HSF2: variants seen among roughly 807,000 people sequenced by gnomAD.
HSF2 encodes heat shock transcription factor 2.
In HSF2, 21 loss-of-function variants were observed where a neutral mutation model predicts 65.0. That is an observed-to-expected ratio of 0.32 (90% CI 0.23 to 0.47). HSF2 has a LOEUF of 0.47. Ranked by LOEUF, HSF2 falls within the 20% of genes least tolerant of loss-of-function variation. The pLI, the probability that HSF2 is intolerant of heterozygous loss-of-function variation, is 1.00. For missense variants in HSF2, 499 were observed against 628.1 expected (o/e 0.79, Z 2.20); for synonymous variants, 225 against 219.1 (o/e 1.03, Z -0.24).
intron 4 of HSF2, among the ~76,000 whole-genome samples, chr6:122,414,452 A>G (rs1774075988): frequency 6.6e-6 from 1 of 152,322 alleles, no homozygotes; most frequent in African/African-American, 2.4e-5. Flanking sequence ...TCTTTTTTAA[A>G]TAAGCTTTAG....
intron 9 of HSF2, 146 bp from the exon 10 acceptor site, chr6:122,423,435 T>C (rs1261848113): frequency 2.0e-6 from 1 of 490,054 alleles, no homozygotes; most frequent in Non-Finnish European, 3.6e-6. Context: ...GAATTCCTAC[T>C]CTAGAATAAG....
At position 122,422,888 on chromosome 6, in the gene HSF2, G is replaced by C; in HGVS notation, c.1001G>C (p.Ser334Thr). ...SSAVQLNGSS[S>T]LTSEDPVTMM... ...GCTGTCCAGCTAAATGGCTCATCCA[G>C]TCTGACCTCAGAAGATCCAGTGACC... The change falls in exon 9 of 13, where the codon AGT becomes ACT. Residue 334 changes from serine (S) to threonine (T), a missense_variant. By Grantham distance (58) the Ser-to-Thr change is moderately conservative. This residue lies in a region of HSF2 where 349 missense variants were observed against 393.5 expected (regional missense o/e 0.89). Coordinates refer to ENST00000368455, the MANE Select transcript of HSF2 (RefSeq NM_004506.4). 6.2e-7 allele frequency: 1 copy of C among 1,613,608 alleles called. No individual in the cohort carries two copies. Among genetic ancestry groups the C allele is most frequent in the Non-Finnish European group, 8.5e-7 (1 of 1,179,712 alleles).
chr6:122,425,711 C>T (rs1249302770), intron 10 of HSF2, among the ~76,000 whole-genome samples: 2 of 151,926 alleles, frequency 1.3e-5, no homozygotes, highest in Non-Finnish European at 2.9e-5. Context: ...TAAGGGCATC[C>T]CCTAATGCAC....
In HSF2 at chr6:122,427,968, T is replaced by C. The variant is rs769968339; in HGVS notation, c.1230+12T>C. On this transcript the variant is annotated intron_variant, in intron 11 of 12. Transcript: ENST00000368455. ...TCAATAATACAAAAGTAAGTTTTAATTCATGTTGCTCAGGACCCATAGCTA... is the reference window on the plus strand; with the variant it reads ...TCAATAATACAAAAGTAAGTTTTAACTCATGTTGCTCAGGACCCATAGCTA... 5 of 1,572,692 alleles carry C rather than the reference T, an allele frequency of 3.2e-6. No homozygotes were observed. In the Admixed American group the frequency reaches 8.5e-5, roughly 27 times the overall value.
chr6:122,431,865 C>T (rs1331607168), intron 12 of HSF2, 60 bp from the exon 13 acceptor site: 3 of 1,449,472 alleles, frequency 2.1e-6, no homozygotes, highest in Non-Finnish European at 2.8e-6. Context: ...TCATTTTTTT[C>T]CCCTCAGCTT....
At chr6:122,409,134 G>A (rs1485423453) in intron 1 of HSF2, among the ~76,000 whole-genome samples, 2 of 151,932 alleles carry the variant, frequency 1.3e-5, no homozygotes, top group Admixed American at 6.6e-5. Context: ...ATGGTGCCAC[G>A]ATTAAGGATA....
chr6:122,403,616 A>G (rs570267627), intron 1 of HSF2, among the ~76,000 whole-genome samples: 11 of 152,330 alleles, frequency 7.2e-5, no homozygotes, highest in Non-Finnish European at 1.6e-4. Flanking sequence ...CAAAACAACA[A>G]CAACAAAAAA....
intron 10 of HSF2, among the ~76,000 whole-genome samples, chr6:122,425,570 T>G (rs1489227317): frequency 6.6e-6 from 1 of 151,530 alleles, no homozygotes; most frequent in African/African-American, 2.4e-5. Context: ...ATTATTAACA[T>G]TATTGGGCAT....
chr6:122,422,344 T>C, intron 8 of HSF2, 46 bp downstream of exon 8: 1 of 1,373,314 alleles, frequency 7.3e-7, no homozygotes, highest in Admixed American at 2.0e-5. Context: ...TGATTACTTT[T>C]CTTATTACAG....
intron 1 of HSF2, among the ~76,000 whole-genome samples, chr6:122,410,817 G>C (rs1582609036): frequency 6.6e-6 from 1 of 151,670 alleles, no homozygotes; most frequent in East Asian, 1.9e-4. Flanking sequence ...ACCATGTGTT[G>C]GTGGATACTG....
At chr6:122,401,464 G>A (rs550494714) in intron 1 of HSF2, among the ~76,000 whole-genome samples, 6 of 152,276 alleles carry the variant, frequency 3.9e-5, no homozygotes, top group Admixed American at 6.5e-5. Context: ...TTTAATCAGA[G>A]TATCATGTCA....
chr6:122,410,075 A>G (rs1479261522), intron 1 of HSF2, among the ~76,000 whole-genome samples: 2 of 151,852 alleles, frequency 1.3e-5, no homozygotes, highest in Non-Finnish European at 2.9e-5. Context: ...TATAATCTGT[A>G]TTGGGTAGGG....
intron 5 of HSF2, among the ~76,000 whole-genome samples, chr6:122,418,287 T>C (rs1443689137): frequency 1.3e-5 from 2 of 152,196 alleles, no homozygotes; most frequent in Non-Finnish European, 2.9e-5. Context: ...TCTAAGCCAG[T>C]AGTTCTTATA....
chr6:122,416,862 C>T (rs1221350961), intron 5 of HSF2, among the ~76,000 whole-genome samples: 1 of 152,184 alleles, frequency 6.6e-6, no homozygotes, highest in East Asian at 1.9e-4. Context: ...TGGAATCCCT[C>T]CGTTTCATTG....
At chr6:122,429,984 C>G (rs990463511) in intron 11 of HSF2, among the ~76,000 whole-genome samples, 6 of 152,094 alleles carry the variant, frequency 3.9e-5, no homozygotes, top group Non-Finnish European at 7.4e-5. Flanking sequence ...TTTGTTGTGT[C>G]TCTGCCAGGT....
intron 7 of HSF2, among the ~76,000 whole-genome samples, chr6:122,421,048 G>A (rs537569643): frequency 4.0e-5 from 6 of 151,744 alleles, no homozygotes; most frequent in African/African-American, 1.4e-4. Context: ...TGAATATTTT[G>A]AAAATGTAAT....
chr6:122,412,793 G>A (rs764413575), intron 3 of HSF2, 29 bp downstream of exon 3: 4 of 1,609,434 alleles, frequency 2.5e-6, no homozygotes, highest in Non-Finnish European at 2.5e-6. Flanking sequence ...GAGCTAATTA[G>A]GGTATTGACC....
rs1329751647 is a variant in HSF2, at chr6:122,412,624, G to C, written c.203-13G>C. 1 of 1,605,548 alleles carries C rather than the reference G, an allele frequency of 6.2e-7. No homozygotes were observed. Among genetic ancestry groups the C allele is most frequent in the Non-Finnish European group, 8.5e-7 (1 of 1,173,724 alleles). On this transcript the variant is annotated splice_polypyrimidine_tract_variant and intron_variant, in intron 2 of 12. Transcript: ENST00000368455. ...TGTTTATTTTAGTCATTTGAATTTTGAATATTTTTCAGATGGTTTCCGTAA... is the reference window on the plus strand; with the variant it reads ...TGTTTATTTTAGTCATTTGAATTTTCAATATTTTTCAGATGGTTTCCGTAA...
intron 6 of HSF2, among the ~76,000 whole-genome samples, chr6:122,419,661 G>A (rs956089479): frequency 1.3e-5 from 2 of 152,058 alleles, no homozygotes; most frequent in African/African-American, 2.4e-5. Context: ...ACCTGTAAAT[G>A]TCAGTAGCTA....
Sources: allele counts gnomAD v4.1 joint callset (sites outside exome capture counted in the v4.1 genomes callset), GRCh38; gene constraint gnomAD v4.1.1; regional missense constraint gnomAD v4.1.1; transcripts MANE v1.5; gene names NCBI Gene and HGNC (gene_info 2026-07-23, HGNC 2026-07-21).